The following ERC1 variants were observed in gnomAD, a reference collection of about 807,000 sequenced individuals.
ERC1 encodes ELKS/RAB6-interacting/CAST family member 1, also known as RAB6 interacting protein 2.
Under a neutral mutation model 132.0 loss-of-function variants are expected in ERC1, and 56 were observed. The observed-to-expected ratio is 0.42, with a 90% CI of 0.34 to 0.53. ERC1 has a LOEUF of 0.53. Among genes scored for constraint, ERC1 ranks in the 20% least tolerant of loss-of-function variants. The probability of loss-of-function intolerance (pLI) is 0.03; values close to 1 mark genes in which losing one functional copy is unlikely to be tolerated. For missense variants in ERC1, 1,202 were observed against 1,349.9 expected, an observed-to-expected ratio of 0.89 and a Z score of 1.72; for synonymous variants, 478 against 476.1, an observed-to-expected ratio of 1.00 and a Z score of -0.05.
At chr12:1,378,605 C>CACAT (rs1340767625) in intron 16 of ERC1, among the ~76,000 whole-genome samples, 1 of 152,124 alleles carries the variant, frequency 6.6e-6, no homozygotes, top group African/African-American at 2.4e-5. Flanking sequence ...CCTTTAAAGC[C>CACAT]ACATACATGA....
At chr12:1,174,641 G>A (rs1953486362) in intron 8 of ERC1, among the ~76,000 whole-genome samples, 1 of 152,220 alleles carries the variant, frequency 6.6e-6, no homozygotes, top group Non-Finnish European at 1.5e-5. Flanking sequence ...GTAGAAAGAA[G>A]GGTATTATCC....
intron 16 of ERC1, among the ~76,000 whole-genome samples, chr12:1,388,595 G>A (rs2089645976): frequency 6.6e-6 from 1 of 152,144 alleles, no homozygotes. Flanking sequence ...TGCTCCTGTA[G>A]GGGATGCCAA....
chr12:1,181,980 A>C lies in ERC1; in HGVS notation c.1931A>C (p.Gln644Pro). The C allele has an allele frequency of 6.2e-7, 1 of 1,614,112 alleles. No individual in the cohort carries two copies. ...AGGGACAGAGATGAGCGAGAGAAGC[A>C]AGAGGAAATTGATAACTACAAAAAA... ...EQRDRDEREK[Q>P]EEIDNYKKDL... is the part of the protein sequence containing the mutation. Residue 644 changes from glutamine to proline, a missense_variant, in exon 10 of 19, where the codon CAA becomes CCA. Coordinates refer to ENST00000360905, the MANE Select transcript of ERC1 (RefSeq NM_178040.4).
At chr12:1,091,212 CTTCA>C (rs1386787702) in intron 3 of ERC1, among the ~76,000 whole-genome samples, 3 of 152,190 alleles carry the variant, frequency 2.0e-5, no homozygotes, top group South Asian at 2.1e-4. Context: ...TTATAGATTC[CTTCA>C]TTATTTGTTT....
At chr12:1,287,362 A>G (rs539019542) in intron 14 of ERC1, among the ~76,000 whole-genome samples, 2 of 152,366 alleles carry the variant, frequency 1.3e-5, no homozygotes, top group East Asian at 3.9e-4. Flanking sequence ...GCATATTGTG[A>G]TGGTTAACTT....
At chr12:1,336,429 A>G (rs2083319249) in intron 15 of ERC1, among the ~76,000 whole-genome samples, 2 of 152,186 alleles carry the variant, frequency 1.3e-5, no homozygotes, top group African/African-American at 4.8e-5. Flanking sequence ...GCTGTGTCCC[A>G]GAGATTCTGG....
At chr12:1,129,143 C>A (rs1196417981) in intron 7 of ERC1, among the ~76,000 whole-genome samples, 1 of 152,100 alleles carries the variant, frequency 6.6e-6, no homozygotes, top group Non-Finnish European at 1.5e-5. Flanking sequence ...ATATCTACAC[C>A]TACATACAGC....
intron 2 of ERC1, among the ~76,000 whole-genome samples, chr12:1,069,425 T>A (rs1174073804): frequency 6.6e-6 from 1 of 152,212 alleles, no homozygotes; most frequent in African/African-American, 2.4e-5. Flanking sequence ...TTTACCCATG[T>A]GCTCAAGGAT....
chr12:1,477,411 G>C (rs1219126700), intron 18 of ERC1, among the ~76,000 whole-genome samples: 1 of 152,186 alleles, frequency 6.6e-6, no homozygotes, highest in Non-Finnish European at 1.5e-5. Context: ...ACAGTGGACA[G>C]TCTCCTTAGA....
At position 1,077,092 on chromosome 12, in the gene ERC1, T is replaced by C. The variant is rs182442363; in HGVS notation, c.670-6072T>C. Among the ~76,000 whole-genome samples the C allele has an allele frequency of 1.4e-3, 210 of 152,316 alleles. 1 individual carries two copies. The highest frequency in any genetic ancestry group is 4.8e-3 in the African/African-American group (199 of 41,572). Reference sequence around the variant, plus strand: ...TGTATTTATATGTTTCAGAAAAAAATGTTCTTAATTTAACATTTGTAAAAG... The same window carrying C: ...TGTATTTATATGTTTCAGAAAAAAACGTTCTTAATTTAACATTTGTAAAAG... On this transcript the variant is annotated intron_variant, in intron 2 of 18. Coordinates refer to ENST00000360905, the MANE Select transcript of ERC1 (RefSeq NM_178040.4).
intron 16 of ERC1, among the ~76,000 whole-genome samples, chr12:1,397,141 G>A (rs559340613): frequency 7.2e-5 from 11 of 152,240 alleles, no homozygotes; most frequent in African/African-American, 1.7e-4. Flanking sequence ...GACCAAAATC[G>A]AGAATTTAAC....
rs1321576224 is a variant in ERC1, at chr12:1,490,254, G to A, written c.*24G>A. 2 of 1,609,510 alleles carry A rather than the reference G, an allele frequency of 1.2e-6. No individual in the cohort carries two copies. The highest frequency in any genetic ancestry group is 1.1e-5 in the South Asian group (1 of 90,846). On this transcript the variant is annotated 3_prime_UTR_variant, in exon 19 of 19. Transcript: ENST00000360905. ...GACCCTGCTTTATGGGGAAGCCTGA[G>A]GTAGTCAACCCAGGAGCCAAGAAAA...
At chr12:1,021,124 A>G (rs1420147967) in intron 1 of ERC1, among the ~76,000 whole-genome samples, 1 of 152,012 alleles carries the variant, frequency 6.6e-6, no homozygotes, top group Non-Finnish European at 1.5e-5. Context: ...TATTTTTAGT[A>G]GAGACGGGGT....
intron 15 of ERC1, among the ~76,000 whole-genome samples, chr12:1,332,392 T>G (rs958005796): frequency 2.0e-5 from 3 of 152,254 alleles, no homozygotes; most frequent in African/African-American, 7.2e-5. Context: ...GCCTTAGTTG[T>G]TAAACTCATG....
chr12:1,126,858 C>T (rs572616691), intron 7 of ERC1, among the ~76,000 whole-genome samples: 3 of 151,840 alleles, frequency 2.0e-5, no homozygotes, highest in Middle Eastern at 3.4e-3. Context: ...CGTGGTGGCA[C>T]GTGCCTGTAG....
At chr12:1,189,092 C>T (rs1555295217) in intron 11 of ERC1, among the ~76,000 whole-genome samples, 2 of 151,072 alleles carry the variant, frequency 1.3e-5, no homozygotes, top group Admixed American at 6.6e-5. Flanking sequence ...TTTTTTTTTC[C>T]AATAGAGATG....
chr12:1,005,487 C>T lies in ERC1; in HGVS notation c.-157+14165C>T, dbSNP rs199832753. Among the ~76,000 whole-genome samples, 34 of 152,204 alleles carry T rather than the reference C, an allele frequency of 2.2e-4. No individual in the cohort carries two copies. In the East Asian group the frequency reaches 4.1e-3, roughly 18 times the overall value. On this transcript the variant is annotated intron_variant, in intron 1 of 18. Transcript: ENST00000360905. ...AAATTTAGGCTGAACCTTTGCTTGACGTTATTCTCCCTTGCATTTAGATAT... is the reference window on the plus strand; with the variant it reads ...AAATTTAGGCTGAACCTTTGCTTGATGTTATTCTCCCTTGCATTTAGATAT...
intron 3 of ERC1, among the ~76,000 whole-genome samples, chr12:1,092,974 C>T (rs1943444955): frequency 6.6e-6 from 1 of 152,030 alleles, no homozygotes; most frequent in Non-Finnish European, 1.5e-5. Flanking sequence ...ACAAACAAAA[C>T]CCTAAATTTA....
At chr12:1,410,439 A>G (rs567684171) in intron 17 of ERC1, 2 of 1,317,088 alleles carry the variant, frequency 1.5e-6, no homozygotes, top group East Asian at 8.4e-5. Context: ...TAGTTCAGCC[A>G]TTTTGTTCAG....
Sources: gnomAD v4.1 joint callset for allele counts (sites outside exome capture counted in the v4.1 genomes callset) on GRCh38, gnomAD v4.1.1 for gene constraint, MANE v1.5 for transcripts, NCBI Gene and HGNC (gene_info 2026-07-23, HGNC 2026-07-21) for gene names.